Variants in EFNA3 observed in about 807,000 individuals in gnomAD.
EFNA3 encodes ephrin A3.
EFNA3 carries 15 observed loss-of-function variants against 25.0 expected under a neutral mutation model. The observed-to-expected ratio is 0.60, with a 90% CI of 0.40 to 0.92. EFNA3 has a LOEUF of 0.92. Ranked by LOEUF, EFNA3 falls within the 40% of genes least tolerant of loss-of-function variation. The pLI, the probability that EFNA3 is intolerant of heterozygous loss-of-function variation, is 0.00. For synonymous variants in EFNA3, 153 were observed against 145.6 expected, an observed-to-expected ratio of 1.05 and a Z score of -0.37; for missense variants, 298 against 323.8, an observed-to-expected ratio of 0.92 and a Z score of 0.61.
In EFNA3 at chr1:155,079,207, G is replaced by A. The variant is rs1249922724; in HGVS notation, c.128+138G>A. The A allele has an allele frequency of 9.8e-7, 1 of 1,021,972 alleles. No homozygotes were observed. Among genetic ancestry groups the A allele is most frequent in the East Asian group, 3.3e-5 (1 of 30,202 alleles). The allele number at this position is 1,021,972 out of a possible 1,614,324, so 63.3% of individuals were successfully genotyped here. On this transcript the variant is annotated intron_variant, in intron 1 of 4. Coordinates refer to ENST00000368408, the MANE Select transcript of EFNA3 (RefSeq NM_004952.5). The surrounding 1 kb of genome is among the most constrained non-coding windows in gnomAD (Gnocchi z 7.7). ...GGGGCTGGGAGGGGACGGAGAGGGG[G>A]ACGCACTCTGTGGGCGTCTAGGAAA...
In EFNA3 at chr1:155,086,561, G is replaced by A. The variant is rs780091277; in HGVS notation, c.*18G>A. 3.4e-5 allele frequency: 54 copies of A among 1,611,936 alleles called. 1 individual carries two copies. In the South Asian group the frequency reaches 5.5e-4, roughly 16 times the overall value. ...CCTCCTAGCTCTGCCCCCTCCCCTGGGGGGGGAGAGATGGGGCGGGGCTTG... is the reference window on the plus strand; with the variant it reads ...CCTCCTAGCTCTGCCCCCTCCCCTGAGGGGGGAGAGATGGGGCGGGGCTTG... On this transcript the variant is annotated 3_prime_UTR_variant, in exon 5 of 5. Transcript: ENST00000368408.
chr1:155,086,611 C>A lies in EFNA3; in HGVS notation c.*68C>A. 6.3e-7 allele frequency: 1 copy of A among 1,584,360 alleles called. No individual in the cohort carries two copies. The highest frequency in any genetic ancestry group is 8.6e-7 in the Non-Finnish European group (1 of 1,165,768). On this transcript the variant is annotated 3_prime_UTR_variant, in exon 5 of 5. Transcript: ENST00000368408. ...GGAAGGAGCAGGGAGCCTTTGGCCT[C>A]TCCAAGGGAAGCCTAGTGGGCCTAG...
chr1:155,083,936 G>A (rs1038594237), intron 1 of EFNA3, among the ~76,000 whole-genome samples: 6 of 152,158 alleles, frequency 3.9e-5, no homozygotes, highest in South Asian at 2.1e-4. Context: ...CCCCCTCTCC[G>A]AGTTTCTTTC....
At chr1:155,082,444 C>T (rs1204881147) in intron 1 of EFNA3, among the ~76,000 whole-genome samples, 1 of 152,216 alleles carries the variant, frequency 6.6e-6, no homozygotes. Flanking sequence ...TTTGCTCCTT[C>T]CCCGCTCCGC....
intron 1 of EFNA3, among the ~76,000 whole-genome samples, chr1:155,084,284 C>G (rs1663401744): frequency 6.6e-6 from 1 of 152,184 alleles, no homozygotes. Flanking sequence ...TTCCTGGGAG[C>G]CTAACTGTCC....
In EFNA3 at chr1:155,081,111, T is replaced by G. The variant is rs183726290; in HGVS notation, c.128+2042T>G. On this transcript the variant is annotated intron_variant, in intron 1 of 4. Coordinates refer to ENST00000368408, the MANE Select transcript of EFNA3 (RefSeq NM_004952.5). This position sits in a 1 kb window ranked among gnomAD's most constrained non-coding sequence, Gnocchi z 5.2. ...GCCCCTTGGGGTCACGTGGGGAGGG[T>G]CTTGCGACCCCGCCTCCTGGGGGGG... is the stretch of plus-strand genomic sequence containing the variant. 6.6e-6 allele frequency among the ~76,000 whole-genome samples: 1 copy of G among 151,976 alleles called. No individual in the cohort carries two copies. Among genetic ancestry groups the G allele is most frequent in the East Asian group, 1.9e-4 (1 of 5,162 alleles).
chr1:155,086,075 A>G (rs1351170519), intron 3 of EFNA3, 53 bp from the exon 4 acceptor site: 3 of 1,588,524 alleles, frequency 1.9e-6, no homozygotes, highest in Admixed American at 1.7e-5. Context: ...AGGGGAGGGA[A>G]TCCTGGCCCT....
At position 155,085,885 on chromosome 1, in the gene EFNA3, A is replaced by G. The variant is rs1056472950; in HGVS notation, c.451A>G (p.Thr151Ala). 5 of 1,613,276 alleles carry G rather than the reference A, an allele frequency of 3.1e-6. No homozygotes were observed. The highest frequency in any genetic ancestry group is 4.2e-6 in the Non-Finnish European group (5 of 1,179,698). Residue 151 changes from threonine (T) to alanine (A), a missense_variant, in exon 3 of 5, where the codon ACT (threonine) becomes GCT (alanine). Thr to Ala is a moderately conservative substitution (Grantham distance 58). Coordinates refer to ENST00000368408, the MANE Select transcript of EFNA3 (RefSeq NM_004952.5). The surrounding 1 kb of genome is among the most constrained non-coding windows in gnomAD (Gnocchi z 4.4). Reference protein sequence around the residue: ...GHEYYYISTPTHNLHWKCLRM... With the variant: ...GHEYYYISTPAHNLHWKCLRM... ...CCCGGTCTCCTCCCCAGCCACGCCC[A>G]CTCACAACCTGCACTGGAAGTGTCT...
chr1:155,086,528 G>A lies in EFNA3; in HGVS notation c.702G>A (p.Thr234=). ...LAVGIAFFLM[T]FLAS ...TGGGCATCGCCTTCTTCCTCATGAC[G>A]TTCTTGGCCTCCTAGCTCTGCCCCC... The change falls in exon 5 of 5, where the codon ACG becomes ACA. Residue 234 remains threonine (T), a synonymous_variant. Coordinates refer to ENST00000368408, the MANE Select transcript of EFNA3 (RefSeq NM_004952.5). The A allele has an allele frequency of 6.2e-7, 1 of 1,613,750 alleles. No homozygotes were observed. Among genetic ancestry groups the A allele is most frequent in the East Asian group, 2.2e-5 (1 of 44,860 alleles).
Position 155,086,498 on chromosome 1 carries a change from G to C in EFNA3, c.672G>C (p.Leu224=). 6 of 1,614,106 alleles carry C rather than the reference G, an allele frequency of 3.7e-6. No homozygotes were observed. Among genetic ancestry groups the C allele is most frequent in the Non-Finnish European group, 5.1e-6 (6 of 1,179,986 alleles). ...GCCCCAAACGGGAACACCTGCCCCTGGCCGTGGGCATCGCCTTCTTCCTCA... is the reference window on the plus strand; with the variant it reads ...GCCCCAAACGGGAACACCTGCCCCTCGCCGTGGGCATCGCCTTCTTCCTCA... ...GTSPKREHLP[L]AVGIAFFLMT... is the part of the protein sequence containing the mutation. Residue 224 remains leucine (L), a synonymous_variant, in exon 5 of 5, where the codon CTG becomes CTC. Transcript: ENST00000368408.
Position 155,086,219 on chromosome 1 carries a change from G to A in EFNA3, c.586+14G>A, listed in dbSNP as rs1362389314. 1.2e-6 allele frequency: 2 copies of A among 1,613,414 alleles called. No individual in the cohort carries two copies. Among genetic ancestry groups the A allele is most frequent in the Non-Finnish European group, 1.7e-6 (2 of 1,179,716 alleles). On this transcript the variant is annotated intron_variant, in intron 4 of 4. Coordinates refer to ENST00000368408, the MANE Select transcript of EFNA3 (RefSeq NM_004952.5). ...TCAACGTGCTGGGTGAGTCTGCGCA[G>A]CGCCCTCTGGTGGCCACTGCTGGAA...
In EFNA3 at chr1:155,081,681, C is replaced by T. The variant is rs1053371728; in HGVS notation, c.128+2612C>T. The stretch of plus-strand genomic sequence containing the variant: ...TCCTTTGCGTCTCTGTCTCCGTCTC[C>T]GCCGTCTGTGGGCCTCTCTGGCCTG... On this transcript the variant is annotated intron_variant, in intron 1 of 4. Coordinates refer to ENST00000368408, the MANE Select transcript of EFNA3 (RefSeq NM_004952.5). The surrounding 1 kb of genome is among the most constrained non-coding windows in gnomAD (Gnocchi z 5.2). Among the ~76,000 whole-genome samples the T allele has an allele frequency of 8.5e-5, 13 of 152,152 alleles. No individual in the cohort carries two copies. Among genetic ancestry groups the T allele is most frequent in the African/African-American group, 2.9e-4 (12 of 41,440 alleles).
chr1:155,082,255 C>T (rs1478864267), intron 1 of EFNA3, among the ~76,000 whole-genome samples: 2 of 152,214 alleles, frequency 1.3e-5, no homozygotes. Flanking sequence ...AAGAGGAACC[C>T]GGGTCTACAT....
chr1:155,086,331 C>T, intron 4 of EFNA3, 82 bp from the exon 5 acceptor site: 3 of 1,595,258 alleles, frequency 1.9e-6, no homozygotes, highest in Non-Finnish European at 8.5e-7. Flanking sequence ...GGTCACGTCC[C>T]TGGCTCCATT....
chr1:155,086,481 C>G lies in EFNA3; in HGVS notation c.655C>G (p.Arg219Gly). ...GAGCATCAGCGGGACCAGCCCCAAA[C>G]GGGAACACCTGCCCCTGGCCGTGGG... ...EKSISGTSPK[R>G]EHLPLAVGIA... The change falls in exon 5 of 5, where the codon CGG becomes GGG. Residue 219 changes from arginine to glycine, a missense_variant. Transcript: ENST00000368408. 6.2e-7 allele frequency: 1 copy of G among 1,614,108 alleles called. No homozygotes were observed. Among genetic ancestry groups the G allele is most frequent in the South Asian group, 1.1e-5 (1 of 91,084 alleles).
At position 155,086,123 on chromosome 1, in the gene EFNA3, C is replaced by T. The variant is rs762231186; in HGVS notation, c.509-5C>T. 2.5e-6 allele frequency: 4 copies of T among 1,611,418 alleles called. No individual in the cohort carries two copies. Among genetic ancestry groups the T allele is most frequent in the African/African-American group, 1.3e-5 (1 of 74,802 alleles). ...CTCTCTCCCCACCCGCACCCCACCC[C>T]GCAGCATCGCACTCCGGGGAGAAGC... On this transcript the variant is annotated splice_region_variant and splice_polypyrimidine_tract_variant and intron_variant, in intron 3 of 4. Coordinates refer to ENST00000368408, the MANE Select transcript of EFNA3 (RefSeq NM_004952.5).
Position 155,085,619 on chromosome 1 carries a change from G to T in EFNA3, c.442+215G>T. ...GGAGTTTGGTGACAGTCCCAAGTTT[G>T]GGCTGCGGAGAATCGCTGTTTCTGT... On this transcript the variant is annotated intron_variant, in intron 2 of 4. Coordinates refer to ENST00000368408, the MANE Select transcript of EFNA3 (RefSeq NM_004952.5). The surrounding 1 kb of genome is among the most constrained non-coding windows in gnomAD (Gnocchi z 4.4). 1.4e-6 allele frequency: 1 copy of T among 700,456 alleles called. No individual in the cohort carries two copies. The highest frequency in any genetic ancestry group is 2.3e-6 in the Non-Finnish European group (1 of 429,178). 43.4% of individuals were successfully genotyped at this position (700,456 alleles called of 1,614,324 possible). A position where few individuals can be genotyped will look rare whatever the true frequency, so the allele number is the denominator to read the frequency against.
In EFNA3 at chr1:155,078,901, C is replaced by G. The variant is rs1663283202; in HGVS notation, c.-41C>G. 1.6e-5 allele frequency: 21 copies of G among 1,349,974 alleles called. No individual in the cohort carries two copies. In the South Asian group the frequency reaches 4.1e-4, roughly 27 times the overall value. 83.6% of individuals were successfully genotyped at this position (1,349,974 alleles called of 1,614,324 possible). ...CTGGGAAGCGGAGAAGCCGGGAGCGCGGGGCTCAGTCGGGGGGCGGCGGCG... is the reference window on the plus strand; with the variant it reads ...CTGGGAAGCGGAGAAGCCGGGAGCGGGGGGCTCAGTCGGGGGGCGGCGGCG... On this transcript the variant is annotated 5_prime_UTR_variant, in exon 1 of 5. Coordinates refer to ENST00000368408, the MANE Select transcript of EFNA3 (RefSeq NM_004952.5).
chr1:155,083,579 A>T (rs772168451), intron 1 of EFNA3, among the ~76,000 whole-genome samples: 6 of 152,176 alleles, frequency 3.9e-5, no homozygotes, highest in Non-Finnish European at 8.8e-5. Flanking sequence ...GTACCCAAAC[A>T]TCAGCTCTCT....
Sources: gnomAD v4.1 joint callset for allele counts (sites outside exome capture counted in the v4.1 genomes callset) on GRCh38, gnomAD v4.1.1 for gene constraint, Gnocchi (gnomAD v3.1) non-coding constraint, MANE v1.5 for transcripts, NCBI Gene and HGNC (gene_info 2026-07-23, HGNC 2026-07-21) for gene names.